PHF19: variants seen among roughly 807,000 people sequenced by gnomAD.
PHF19 encodes the protein polycomb like 3.
A neutral mutation model predicts 79.8 loss-of-function variants in PHF19; 21 were observed. That is an observed-to-expected ratio of 0.26 (90% CI 0.19 to 0.38). The LOEUF is 0.38. PHF19 is among the 10% of genes least tolerant of loss of function. The probability of loss-of-function intolerance (pLI) is 1.00; values close to 1 mark genes in which losing one functional copy is unlikely to be tolerated. For synonymous variants in PHF19, 273 were observed against 296.3 expected, an observed-to-expected ratio of 0.92 and a Z score of 0.81; for missense variants, 445 against 744.2, an observed-to-expected ratio of 0.60 and a Z score of 4.68.
chr9:120,863,829 A>G (rs1375486317), intron 10 of PHF19, among the ~76,000 whole-genome samples: 2 of 152,202 alleles, frequency 1.3e-5, no homozygotes, highest in Non-Finnish European at 2.9e-5. Context: ...GCCCCCCTAC[A>G]GAGCTGAGCC....
chr9:120,901,870 A>G, the PHF19 span, among the ~76,000 whole-genome samples: 1,887 of 152,298 alleles, frequency 0.012, 42 homozygotes, highest in East Asian at 0.11. Flanking sequence ...AGCACTGACA[A>G]GGTGGGTGGA....
chr9:120,864,880 T>C (rs182973223), intron 9 of PHF19, among the ~76,000 whole-genome samples: 1 of 152,110 alleles, frequency 6.6e-6, no homozygotes, highest in Non-Finnish European at 1.5e-5. Context: ...TGGCGTGATA[T>C]GGATTTTTTA....
At position 120,866,136 on chromosome 9, in the gene PHF19, C is replaced by G; in HGVS notation, c.711-40G>C. The G allele has an allele frequency of 7.1e-7, 1 of 1,413,836 alleles. No homozygotes were observed. 87.6% of individuals were successfully genotyped at this position (1,413,836 alleles called of 1,614,324 possible). A position where few individuals can be genotyped will look rare whatever the true frequency, so the allele number is the denominator to read the frequency against. On this transcript the variant is annotated intron_variant, in intron 7 of 14. Coordinates refer to ENST00000373896, the MANE Select transcript of PHF19 (RefSeq NM_015651.3). The surrounding 1 kb of genome is among the most constrained non-coding windows in gnomAD (Gnocchi z 5.2). ...AGACGGGGGCCTATGGTGGGAGGGG[C>G]TCTGACACCCCCACCCCAGTCCAGC...
At chr9:120,894,835 A>G in exon 1 of PHF19, 1 of 1,228,246 alleles carries the variant, frequency 8.1e-7, no homozygotes, top group Non-Finnish European at 1.0e-6. Context: ...AGCATAGTGC[A>G]GGGCACGTAG....
At chr9:120,886,496 C>G (rs1165068163) in intron 1 of PHF19, among the ~76,000 whole-genome samples, 1 of 152,216 alleles carries the variant, frequency 6.6e-6, no homozygotes, top group African/African-American at 2.4e-5. Context: ...CTGTGCAGGT[C>G]ACAGGGAAAG....
chr9:120,865,925 G>A, intron 8 of PHF19, 95 bp from the exon 9 acceptor site: 5 of 1,593,874 alleles, frequency 3.1e-6, no homozygotes, highest in Non-Finnish European at 4.3e-6. Flanking sequence ...GACAGGGGCA[G>A]GGTTGGGACC....
Position 120,874,639 on chromosome 9 carries a change from C to T in PHF19, c.103G>A (p.Asp35Asn). 1 of 1,613,966 alleles carries T rather than the reference C, an allele frequency of 6.2e-7. No individual in the cohort carries two copies. Among genetic ancestry groups the T allele is most frequent in the African/African-American group, 1.3e-5 (1 of 75,052 alleles). The change falls in exon 2 of 15, where the codon GAC becomes AAC. Residue 35 changes from aspartate to asparagine, a missense_variant. This residue lies in a region of PHF19 where 50 missense variants were observed against 54.8 expected (regional missense o/e 0.91). Coordinates refer to ENST00000373896, the MANE Select transcript of PHF19 (RefSeq NM_015651.3). This position sits in a 1 kb window ranked among gnomAD's most constrained non-coding sequence, Gnocchi z 4.5. Reference protein sequence around the residue: ...ALAKVKNNFKDLMSKLTEGQY... With the variant: ...ALAKVKNNFKNLMSKLTEGQY... ...CCCTCCGTCAGTTTGGACATCAAGT[C>T]TTTGAAGTTGTTCTTGACCTTCGCC...
In PHF19 at chr9:120,870,072, G is replaced by T; in HGVS notation, c.365-127C>A. 4.4e-6 allele frequency: 6 copies of T among 1,364,744 alleles called. No individual in the cohort carries two copies. Among genetic ancestry groups the T allele is most frequent in the South Asian group, 1.4e-5 (1 of 71,086 alleles). 84.5% of individuals were successfully genotyped at this position (1,364,744 alleles called of 1,614,324 possible). A position where few individuals can be genotyped will look rare whatever the true frequency, so the allele number is the denominator to read the frequency against. On this transcript the variant is annotated intron_variant, in intron 4 of 14. Transcript: ENST00000373896. This position sits in a 1 kb window ranked among gnomAD's most constrained non-coding sequence, Gnocchi z 4.4. ...GAGCTCTGCCTGCCAGCTGCCGGGAGCCTGGCTGCTGGTGCCCACCAAGAT... is the reference window on the plus strand; with the variant it reads ...GAGCTCTGCCTGCCAGCTGCCGGGATCCTGGCTGCTGGTGCCCACCAAGAT...
intron 12 of PHF19, among the ~76,000 whole-genome samples, chr9:120,861,600 G>C (rs1281875949): frequency 1.3e-5 from 2 of 152,176 alleles, no homozygotes; most frequent in African/African-American, 4.8e-5. Context: ...TGGAACCCTG[G>C]TTCCAGGCTG....
upstream of PHF19, among the ~76,000 whole-genome samples, chr9:120,897,089 C>A (rs998006539): frequency 2.0e-5 from 3 of 152,246 alleles, no homozygotes; most frequent in African/African-American, 4.8e-5. Context: ...TTGTCATCTG[C>A]AAATATGCGG....
Position 120,860,604 on chromosome 9 carries a change from CCT to C in PHF19, c.1305-421_1305-420del, listed in dbSNP as rs2045493227. On this transcript the variant is annotated intron_variant, in intron 13 of 14. Coordinates refer to ENST00000373896, the MANE Select transcript of PHF19 (RefSeq NM_015651.3). The surrounding 1 kb of genome is among the most constrained non-coding windows in gnomAD (Gnocchi z 4.1). ...AGTTCAGGTCTGACTCTAAAGCCCT[CCT>C]CTGTGTCCTCAGGAAAATACTAAAT... 4.3e-6 allele frequency: 1 copy of C among 230,326 alleles called. No homozygotes were observed. The highest frequency in any genetic ancestry group is 8.8e-6 in the Non-Finnish European group (1 of 114,154). 14.3% of individuals were successfully genotyped at this position (230,326 alleles called of 1,614,324 possible).
chr9:120,881,605 T>G (rs1303161221), upstream of PHF19, among the ~76,000 whole-genome samples: 1 of 152,266 alleles, frequency 6.6e-6, no homozygotes, highest in East Asian at 1.9e-4. Flanking sequence ...AACTTTTCCA[T>G]GTTTGAGATA....
rs943959086 is a variant in PHF19 at position 120,870,907 on chromosome 9, T to C, written c.269-369A>G. ...AAACTTTATTATGGGATAATATAAT[T>C]TGTTTGTTTGTTTTGTTGAGATGGA... On this transcript the variant is annotated intron_variant, in intron 3 of 14. Coordinates refer to ENST00000373896, the MANE Select transcript of PHF19 (RefSeq NM_015651.3). The surrounding 1 kb of genome is among the most constrained non-coding windows in gnomAD (Gnocchi z 4.4). Among the ~76,000 whole-genome samples the C allele has an allele frequency of 1.3e-5, 2 of 152,170 alleles. No homozygotes were observed. The highest frequency in any genetic ancestry group is 4.8e-5 in the African/African-American group (2 of 41,440).
Position 120,870,596 on chromosome 9 carries a change from C to T in PHF19, c.269-58G>A. 6 of 1,009,434 alleles carry T rather than the reference C, an allele frequency of 5.9e-6. No homozygotes were observed. Among genetic ancestry groups the T allele is most frequent in the Non-Finnish European group, 9.5e-6 (6 of 629,936 alleles). 62.5% of individuals were successfully genotyped at this position (1,009,434 alleles called of 1,614,324 possible). On this transcript the variant is annotated intron_variant, in intron 3 of 14. Coordinates refer to ENST00000373896, the MANE Select transcript of PHF19 (RefSeq NM_015651.3). The surrounding 1 kb of genome is among the most constrained non-coding windows in gnomAD (Gnocchi z 4.4). Reference sequence around the variant, plus strand: ...CTCACAGGAATGGAAGTTTTATACTCACATTCCAGATGCCCAGCCTCTAAT... The same window carrying T: ...CTCACAGGAATGGAAGTTTTATACTTACATTCCAGATGCCCAGCCTCTAAT...
intron 8 of PHF19, 28 bp downstream of exon 8, chr9:120,866,000 G>T: frequency 6.3e-7 from 1 of 1,593,112 alleles, no homozygotes; most frequent in Non-Finnish European, 8.6e-7. Context: ...AGGAGCAGCG[G>T]TGGTTGGACT....
rs750032109 is a variant in PHF19, at chr9:120,860,143, G to T, written c.1347C>A (p.Thr449=). 1 of 1,599,774 alleles carries T rather than the reference G, an allele frequency of 6.3e-7. No individual in the cohort carries two copies. The highest frequency in any genetic ancestry group is 8.5e-7 in the Non-Finnish European group (1 of 1,173,016). The change falls in exon 14 of 15, where the codon ACC becomes ACA. Residue 449 remains threonine (T), a synonymous_variant. Transcript: ENST00000373896. This position sits in a 1 kb window ranked among gnomAD's most constrained non-coding sequence, Gnocchi z 4.1. Reference sequence around the variant, plus strand: ...CAGAGCCAGAGGTGCTGGCAGCGTCGGTGGAGTCGACATCTGAGAAGAAGG... The same window carrying T: ...CAGAGCCAGAGGTGCTGGCAGCGTCTGTGGAGTCGACATCTGAGAAGAAGG... ...GQTFFSDVDS[T]DAASTSGSAS...
chr9:120,865,386 G>GA (rs2045669072), intron 9 of PHF19, among the ~76,000 whole-genome samples: 1 of 152,196 alleles, frequency 6.6e-6, no homozygotes, highest in African/African-American at 2.4e-5. Context: ...ATTTAGCATA[G>GA]GATCAGCAGT....
Position 120,860,241 on chromosome 9 carries a change from A to T in PHF19, c.1305-56T>A. On this transcript the variant is annotated intron_variant, in intron 13 of 14. Coordinates refer to ENST00000373896, the MANE Select transcript of PHF19 (RefSeq NM_015651.3). The surrounding 1 kb of genome is among the most constrained non-coding windows in gnomAD (Gnocchi z 4.1). ...TGGCCCGGCCCAGCAAGTTCCTGCC[A>T]ACCTGGCCCGCAGGTTCCCCTAACA... 1.0e-6 allele frequency: 1 copy of T among 955,800 alleles called. No individual in the cohort carries two copies. The highest frequency in any genetic ancestry group is 2.0e-5 in the Admixed American group (1 of 50,492). The allele number at this position is 955,800 out of a possible 1,614,324, so 59.2% of individuals were successfully genotyped here.
chr9:120,878,222 T>C (rs1953126), upstream of PHF19, among the ~76,000 whole-genome samples: 103,953 of 152,018 alleles, frequency 0.68, 35,785 homozygotes, highest in Middle Eastern at 0.8. Flanking sequence ...ACGCACAACA[T>C]GTCATGTAAA....
Sources: gnomAD v4.1 joint callset for allele counts (sites outside exome capture counted in the v4.1 genomes callset) on GRCh38, gnomAD v4.1.1 for gene constraint, gnomAD v4.1.1 regional missense constraint, Gnocchi (gnomAD v3.1) non-coding constraint, MANE v1.5 for transcripts, NCBI Gene and HGNC (gene_info 2026-07-23, HGNC 2026-07-21) for gene names.